GRM8: variants seen among roughly 807,000 people sequenced by gnomAD.
GRM8 encodes metabotropic glutamate receptor 8.
A neutral mutation model predicts 87.2 loss-of-function variants in GRM8; 47 were observed. That is an observed-to-expected ratio of 0.54 (90% confidence interval 0.43 to 0.69). The LOEUF (loss-of-function observed/expected upper bound fraction) is 0.69, where lower values mean the gene tolerates loss of function less well. Among genes scored for constraint, GRM8 ranks in the 30% least tolerant of loss-of-function variants. GRM8 has a pLI of 0.00. For synonymous variants in GRM8, 396 were observed against 404.5 expected, an observed-to-expected ratio of 0.98 and a Z score of 0.25; for missense variants, 1,019 against 1,139.2, an observed-to-expected ratio of 0.89 and a Z score of 1.52.
At chr7:127,106,005 G>A (rs1041173578) in intron 3 of GRM8, among the ~76,000 whole-genome samples, 3 of 152,086 alleles carry the variant, frequency 2.0e-5, no homozygotes, top group Non-Finnish European at 4.4e-5. Flanking sequence ...GAATAAAAAC[G>A]CAAAAAGTCA....
At chr7:126,883,397 A>G (rs545368933) in intron 6 of GRM8, among the ~76,000 whole-genome samples, 40 of 152,240 alleles carry the variant, frequency 2.6e-4, no homozygotes, top group Non-Finnish European at 5.1e-4. Context: ...AATAATCAAC[A>G]ATTCACAGGA....
chr7:126,727,739 A>ACACACCCC (rs1410017859), intron 7 of GRM8, among the ~76,000 whole-genome samples: 3 of 145,498 alleles, frequency 2.1e-5, no homozygotes, highest in African/African-American at 7.6e-5. Context: ...ACACACACAC[A>ACACACCCC]CCCCTAAAAA....
At chr7:127,180,391 G>A (rs1439924349) in intron 2 of GRM8, among the ~76,000 whole-genome samples, 1 of 151,942 alleles carries the variant, frequency 6.6e-6, no homozygotes, top group Non-Finnish European at 1.5e-5. Context: ...GGGACCAGAC[G>A]GATTCACAGC....
At chr7:126,713,197 A>G (rs1003598597) in intron 7 of GRM8, among the ~76,000 whole-genome samples, 7 of 152,206 alleles carry the variant, frequency 4.6e-5, no homozygotes, top group African/African-American at 1.7e-4. Flanking sequence ...GAACCAAATC[A>G]AATGCCCATC....
chr7:127,234,752 C>T (rs998659625), intron 2 of GRM8, among the ~76,000 whole-genome samples: 1 of 152,192 alleles, frequency 6.6e-6, no homozygotes, highest in African/African-American at 2.4e-5. Context: ...AACAAGCACT[C>T]TGGGTGATTT....
intron 3 of GRM8, among the ~76,000 whole-genome samples, chr7:127,072,466 AT>A (rs770934862): frequency 3.1e-4 from 47 of 151,638 alleles, no homozygotes; most frequent in Non-Finnish European, 4.4e-4. Context: ...GTGTTTGTGG[AT>A]TTTTTTTTCC....
chr7:126,681,922 T>C (rs1459293141), intron 7 of GRM8, among the ~76,000 whole-genome samples: 1 of 152,222 alleles, frequency 6.6e-6, no homozygotes, highest in Non-Finnish European at 1.5e-5. Context: ...CGGTTAATTA[T>C]CATGGGTAAT....
intron 6 of GRM8, among the ~76,000 whole-genome samples, chr7:126,895,105 T>C (rs1249313220): frequency 6.6e-6 from 1 of 152,042 alleles, no homozygotes; most frequent in Non-Finnish European, 1.5e-5. Flanking sequence ...TCAAATTTAC[T>C]AATGAGAAAA....
At chr7:127,235,028 T>C (rs1797902599) in intron 2 of GRM8, among the ~76,000 whole-genome samples, 1 of 152,216 alleles carries the variant, frequency 6.6e-6, no homozygotes, top group African/African-American at 2.4e-5. Context: ...TTTATTTACA[T>C]AGACCCTGAC....
intron 6 of GRM8, among the ~76,000 whole-genome samples, chr7:126,902,310 G>T (rs1296906155): frequency 6.6e-6 from 1 of 152,104 alleles, no homozygotes; most frequent in African/African-American, 2.4e-5. Flanking sequence ...CCCCAGTACT[G>T]TATGCATGGT....
intron 6 of GRM8, among the ~76,000 whole-genome samples, chr7:126,852,469 C>A (rs1030282102): frequency 6.6e-6 from 1 of 152,110 alleles, no homozygotes; most frequent in Admixed American, 6.6e-5. Flanking sequence ...GGATGGTATT[C>A]GGTAATCATT....
intron 2 of GRM8, among the ~76,000 whole-genome samples, chr7:127,240,687 T>C (rs1275937948): frequency 3.9e-5 from 6 of 152,086 alleles, no homozygotes; most frequent in Non-Finnish European, 7.4e-5. Context: ...AAGTTAAAAA[T>C]AGAAAAGAGA....
At chr7:126,943,419 C>T (rs766459055) in intron 3 of GRM8, among the ~76,000 whole-genome samples, 11 of 152,182 alleles carry the variant, frequency 7.2e-5, no homozygotes, top group Non-Finnish European at 1.5e-4. Context: ...GTTAAAGAGA[C>T]AGGTGTGGTA....
At chr7:127,036,298 G>T (rs1487909319) in intron 3 of GRM8, among the ~76,000 whole-genome samples, 1 of 151,932 alleles carries the variant, frequency 6.6e-6, no homozygotes, top group African/African-American at 2.4e-5. Context: ...ATGGAAGTGG[G>T]GTATCTTTCT....
intron 2 of GRM8, among the ~76,000 whole-genome samples, chr7:127,191,936 T>G (rs1795050119): frequency 6.6e-6 from 1 of 152,192 alleles, no homozygotes; most frequent in Non-Finnish European, 1.5e-5. Context: ...CATTTTCCAT[T>G]TTTCTATCTT....
intron 8 of GRM8, among the ~76,000 whole-genome samples, chr7:126,557,663 T>C (rs1793292863): frequency 6.6e-6 from 1 of 152,250 alleles, no homozygotes; most frequent in South Asian, 2.1e-4. Context: ...TTTTAATGTT[T>C]TCTTAGTAAG....
At chr7:126,528,820 T>C (rs961732429) in intron 9 of GRM8, among the ~76,000 whole-genome samples, 4 of 152,128 alleles carry the variant, frequency 2.6e-5, no homozygotes, top group Non-Finnish European at 5.9e-5. Context: ...TATAGATACA[T>C]AGCCACTTGC....
chr7:127,222,763 C>T (rs1334141960), intron 2 of GRM8, among the ~76,000 whole-genome samples: 7 of 152,124 alleles, frequency 4.6e-5, no homozygotes, highest in African/African-American at 1.7e-4. Context: ...GGGGACAATA[C>T]TGGTCAGAGA....
intron 3 of GRM8, among the ~76,000 whole-genome samples, chr7:126,915,388 C>T (rs1023872551): frequency 8.5e-5 from 13 of 152,086 alleles, no homozygotes; most frequent in Non-Finnish European, 1.9e-4. Context: ...ATCAACAGCC[C>T]CCACACAGAA....
Sources: allele counts gnomAD v4.1 joint callset (sites outside exome capture counted in the v4.1 genomes callset), GRCh38; gene constraint gnomAD v4.1.1; transcripts MANE v1.5; gene names NCBI Gene and HGNC (gene_info 2026-07-23, HGNC 2026-07-21).